Variants in STXBP5L observed in about 807,000 individuals in gnomAD.
The protein encoded by STXBP5L is syntaxin binding protein 5L.
A neutral mutation model predicts 144.5 loss-of-function variants in STXBP5L; 65 were observed. That is an observed-to-expected ratio of 0.45 (90% CI 0.37 to 0.55). STXBP5L has a LOEUF of 0.55. Among genes scored for constraint, STXBP5L ranks in the 20% least tolerant of loss-of-function variants. The pLI, the probability that STXBP5L is intolerant of heterozygous loss-of-function variation, is 0.00. For missense variants in STXBP5L, 1,298 were observed against 1,405.5 expected (o/e 0.92, Z 1.22); for synonymous variants, 505 against 469.6 (o/e 1.08, Z -0.97).
intron 3 of STXBP5L, among the ~76,000 whole-genome samples, chr3:121,023,333 A>T (rs1945697258): frequency 6.6e-6 from 1 of 152,174 alleles, no homozygotes; most frequent in African/African-American, 2.4e-5. Context: ...AGCAATCTAC[A>T]AATTCAATGC....
intron 3 of STXBP5L, among the ~76,000 whole-genome samples, chr3:120,981,256 A>T (rs1231990453): frequency 6.6e-6 from 1 of 152,194 alleles, no homozygotes; most frequent in Non-Finnish European, 1.5e-5. Flanking sequence ...AATCTCTAGC[A>T]AAACCAGGGA....
chr3:121,305,253 C>A (rs2043298544), intron 19 of STXBP5L, among the ~76,000 whole-genome samples: 1 of 152,112 alleles, frequency 6.6e-6, no homozygotes, highest in African/African-American at 2.4e-5. Flanking sequence ...AGAAGTAACA[C>A]CAATCTTATG....
chr3:121,242,781 A>G (rs554728176), intron 14 of STXBP5L, among the ~76,000 whole-genome samples: 9 of 152,276 alleles, frequency 5.9e-5, no homozygotes, highest in African/African-American at 1.9e-4. Flanking sequence ...GTAAAAAGAC[A>G]GAAAAAAAAA....
At chr3:120,999,097 G>T (rs775946184) in intron 3 of STXBP5L, among the ~76,000 whole-genome samples, 1 of 152,124 alleles carries the variant, frequency 6.6e-6, no homozygotes, top group Non-Finnish European at 1.5e-5. Flanking sequence ...CTCTCACCCA[G>T]GCTGGAGTGC....
intron 5 of STXBP5L, among the ~76,000 whole-genome samples, chr3:121,113,650 ACTTTTATTCTTTTTTCTTTTT>A (rs2044096915): frequency 6.7e-6 from 1 of 149,544 alleles, no homozygotes; most frequent in Non-Finnish European, 1.5e-5. Flanking sequence ...CTGGATGTTC[ACTTTTATTCTTTTTTCTTTTT>A]CTTTTTTTTT....
chr3:121,019,027 G>A (rs1365041464), intron 3 of STXBP5L, among the ~76,000 whole-genome samples: 1 of 152,202 alleles, frequency 6.6e-6, no homozygotes, highest in African/African-American at 2.4e-5. Flanking sequence ...GTGCTGTTGA[G>A]GGGGCACAGT....
At chr3:120,936,632 C>A (rs1407435878) in intron 2 of STXBP5L, among the ~76,000 whole-genome samples, 2 of 150,892 alleles carry the variant, frequency 1.3e-5, no homozygotes, top group East Asian at 3.9e-4. Context: ...TTTTTTTTGA[C>A]AGAGTCTCGC....
rs574776940 is a variant in STXBP5L at position 121,083,209 on chromosome 3, C to CA, written c.471-31709dup. Among the ~76,000 whole-genome samples the CA allele has an allele frequency of 3.0e-4, 45 of 151,058 alleles. No individual in the cohort carries two copies. The East Asian group carries it at 5.5e-3, about 18-fold the overall frequency. ...CAAGACTCTGTCTCAAAAAAACAAC[C>CA]AAAAAAACAAAAAAAATCACTTTTA... On this transcript the variant is annotated intron_variant, in intron 5 of 26. Transcript: ENST00000471454.
chr3:121,389,312 T>C (rs1179643379), intron 22 of STXBP5L, among the ~76,000 whole-genome samples: 1 of 152,230 alleles, frequency 6.6e-6, no homozygotes, highest in African/African-American at 2.4e-5. Context: ...TCTATCAATT[T>C]TGTTGATCTT....
At chr3:121,209,066 G>T (rs1179735899) in intron 10 of STXBP5L, among the ~76,000 whole-genome samples, 4 of 152,128 alleles carry the variant, frequency 2.6e-5, no homozygotes, top group Admixed American at 2.6e-4. Flanking sequence ...ATGGTTTCCA[G>T]CTTCATCCAT....
At chr3:121,036,830 G>T (rs1471377475) in intron 3 of STXBP5L, among the ~76,000 whole-genome samples, 1 of 119,404 alleles carries the variant, frequency 8.4e-6, no homozygotes, top group Non-Finnish European at 1.6e-5. Context: ...TGCACATTGT[G>T]CAGGTTAGTT....
intron 5 of STXBP5L, among the ~76,000 whole-genome samples, chr3:121,051,918 C>T (rs914075170): frequency 1.4e-4 from 22 of 151,960 alleles, no homozygotes; most frequent in Middle Eastern, 6.8e-3. Flanking sequence ...CACCACCGAT[C>T]CCACAGAAAT....
chr3:121,185,533 A>G (rs2047340869), intron 9 of STXBP5L, among the ~76,000 whole-genome samples: 1 of 152,210 alleles, frequency 6.6e-6, no homozygotes, highest in African/African-American at 2.4e-5. Flanking sequence ...CAGTTTTGCC[A>G]GCACCATTTA....
At chr3:121,266,120 T>G (rs892708817) in intron 18 of STXBP5L, among the ~76,000 whole-genome samples, 4 of 152,156 alleles carry the variant, frequency 2.6e-5, no homozygotes, top group African/African-American at 9.7e-5. Context: ...CCTCCTTAAC[T>G]CATTTTATGT....
intron 22 of STXBP5L, among the ~76,000 whole-genome samples, chr3:121,394,634 T>C (rs1180724323): frequency 7.3e-6 from 1 of 137,434 alleles, no homozygotes; most frequent in Non-Finnish European, 1.5e-5. Flanking sequence ...AGACAGTGTC[T>C]CACTCTGTCG....
intron 20 of STXBP5L, among the ~76,000 whole-genome samples, chr3:121,333,724 C>T (rs2044406319): frequency 6.6e-6 from 1 of 152,018 alleles, no homozygotes; most frequent in Non-Finnish European, 1.5e-5. Context: ...TACAAGTAAC[C>T]AGCAGGGACT....
intron 3 of STXBP5L, among the ~76,000 whole-genome samples, chr3:121,006,296 C>T (rs1944296113): frequency 6.6e-6 from 1 of 152,118 alleles, no homozygotes; most frequent in African/African-American, 2.4e-5. Flanking sequence ...GATCCCTTTA[C>T]CATTATGTAA....
chr3:121,366,927 A>G (rs1177172584), intron 20 of STXBP5L, among the ~76,000 whole-genome samples: 1 of 152,008 alleles, frequency 6.6e-6, no homozygotes, highest in Non-Finnish European at 1.5e-5. Flanking sequence ...AGCTAATTTT[A>G]TGGTTACCAT....
chr3:121,025,234 T>C (rs1408158985), intron 3 of STXBP5L, among the ~76,000 whole-genome samples: 2 of 152,128 alleles, frequency 1.3e-5, no homozygotes. Context: ...TAGGAAATGC[T>C]TCCCTATCTC....
Sources: gnomAD v4.1 joint callset for allele counts (sites outside exome capture counted in the v4.1 genomes callset) on GRCh38, gnomAD v4.1.1 for gene constraint, MANE v1.5 for transcripts, NCBI Gene and HGNC (gene_info 2026-07-23, HGNC 2026-07-21) for gene names.